The following P3H2 variants were observed in gnomAD, a reference collection of about 807,000 sequenced individuals.
The protein encoded by P3H2 is leprecan-like 1.
P3H2 carries 80 observed loss-of-function variants against 87.0 expected under a neutral mutation model. The ratio of observed to expected loss-of-function variants is 0.92; its 90% CI spans 0.77 to 1.11. P3H2 has a LOEUF of 1.11. P3H2 is among the 50% of genes least tolerant of loss of function. P3H2 has a pLI of 0.00. For missense variants in P3H2, 1,001 were observed against 923.9 expected (o/e 1.08, Z -1.08); for synonymous variants, 367 against 359.3 (o/e 1.02, Z -0.24).
intron 13 of P3H2, among the ~76,000 whole-genome samples, chr3:189,967,531 T>C (rs1476576755): frequency 4.0e-5 from 6 of 150,256 alleles, no homozygotes. Context: ...TGCCAGTATT[T>C]TTGTACCTCA....
intron 4 of P3H2, 145 bp downstream of exon 4, chr3:189,988,762 G>T: frequency 9.8e-7 from 1 of 1,019,038 alleles, no homozygotes; most frequent in Non-Finnish European, 1.5e-6. Flanking sequence ...TTCTTGTCCT[G>T]CAGCTCAGGA....
intron 1 of P3H2, among the ~76,000 whole-genome samples, chr3:190,052,720 T>C (rs1205603746): frequency 6.6e-6 from 1 of 152,110 alleles, no homozygotes; most frequent in East Asian, 1.9e-4. Context: ...TGTGTGTATA[T>C]ACACATACAT....
intron 14 of P3H2, among the ~76,000 whole-genome samples, chr3:189,961,386 C>A (rs1013452379): frequency 1.3e-5 from 2 of 152,158 alleles, no homozygotes; most frequent in African/African-American, 4.8e-5. Context: ...CTTCGAACAT[C>A]CTTGCATCCT....
intron 1 of P3H2, among the ~76,000 whole-genome samples, chr3:190,072,604 A>C (rs1726739057): frequency 6.6e-6 from 1 of 152,240 alleles, no homozygotes; most frequent in Non-Finnish European, 1.5e-5. Flanking sequence ...AATATTTATT[A>C]GTGCAAAACT....
intron 1 of P3H2, among the ~76,000 whole-genome samples, chr3:190,084,050 TAAG>T (rs991488562): frequency 3.3e-5 from 5 of 152,306 alleles, no homozygotes; most frequent in African/African-American, 9.6e-5. Context: ...GGATTCTCAG[TAAG>T]AAGATGATTT....
At chr3:190,037,128 G>A (rs2108951569) in intron 1 of P3H2, among the ~76,000 whole-genome samples, 1 of 151,994 alleles carries the variant, frequency 6.6e-6, no homozygotes, top group East Asian at 1.9e-4. Flanking sequence ...TAGGAGTGAA[G>A]GGATTATCTG....
intron 3 of P3H2, among the ~76,000 whole-genome samples, chr3:189,992,257 C>G (rs1666433): frequency 0.77 from 116,118 of 151,418 alleles, 44,844 homozygotes; most frequent in East Asian, 0.92. Context: ...ACCACACCTG[C>G]CTAATTTTTT....
intron 1 of P3H2, among the ~76,000 whole-genome samples, chr3:190,098,315 T>C (rs1727652886): frequency 6.6e-6 from 1 of 152,194 alleles, no homozygotes; most frequent in Admixed American, 6.5e-5. Flanking sequence ...ATCGCTCTTA[T>C]TGTTTTATAA....
At chr3:190,118,090 A>G (rs1712367350) in intron 1 of P3H2, among the ~76,000 whole-genome samples, 1 of 152,192 alleles carries the variant, frequency 6.6e-6, no homozygotes, top group Non-Finnish European at 1.5e-5. Flanking sequence ...AATTTGAGGT[A>G]TGTTAAACCT....
chr3:190,056,855 C>T (rs1291024522), intron 1 of P3H2, among the ~76,000 whole-genome samples: 2 of 152,210 alleles, frequency 1.3e-5, no homozygotes, highest in South Asian at 2.1e-4. Flanking sequence ...GTCCTCAGAT[C>T]CACACTCTAC....
At chr3:190,120,190 G>C (rs1366309937) in intron 1 of P3H2, 62 bp downstream of exon 1, 13 of 1,562,670 alleles carry the variant, frequency 8.3e-6, no homozygotes, top group South Asian at 1.2e-5. Context: ...GCAGCAGGGA[G>C]GGCTCAAGAG....
intron 1 of P3H2, among the ~76,000 whole-genome samples, chr3:190,078,630 G>A (rs1054381032): frequency 6.6e-6 from 1 of 152,072 alleles, no homozygotes; most frequent in Non-Finnish European, 1.5e-5. Context: ...ATGACCCAAT[G>A]GCATATATAT....
intron 1 of P3H2, chr3:190,116,482 T>C (rs1267425538): frequency 6.6e-6 from 1 of 152,198 alleles, no homozygotes; most frequent in Non-Finnish European, 1.5e-5. Context: ...ATTAATCCCA[T>C]ATCTATCCAT....
intron 1 of P3H2, among the ~76,000 whole-genome samples, chr3:190,013,062 A>G (rs74718693): frequency 0.12 from 18,478 of 152,220 alleles, 1,330 homozygotes; most frequent in Middle Eastern, 0.28. Flanking sequence ...CGCATCAAAC[A>G]CTGACTGAGA....
At chr3:190,007,378 G>C (rs1476032015) in intron 1 of P3H2, among the ~76,000 whole-genome samples, 2 of 152,152 alleles carry the variant, frequency 1.3e-5, no homozygotes, top group African/African-American at 4.8e-5. Flanking sequence ...GTATTTTTTA[G>C]GTGGCTACAA....
At chr3:189,973,507 C>T (rs149969722) in intron 10 of P3H2, among the ~76,000 whole-genome samples, 68 of 78,972 alleles carry the variant, frequency 8.6e-4, no homozygotes, top group Non-Finnish European at 9.9e-4. Context: ...TTCTTTCTTT[C>T]TTTCTTTTTT....
At chr3:190,006,982 G>A (rs1193132816) in intron 1 of P3H2, among the ~76,000 whole-genome samples, 1 of 152,124 alleles carries the variant, frequency 6.6e-6, no homozygotes, top group Non-Finnish European at 1.5e-5. Flanking sequence ...TTATCTATAT[G>A]TGCATGTTTG....
At chr3:190,011,818 A>G (rs1724598860) in intron 1 of P3H2, among the ~76,000 whole-genome samples, 1 of 152,214 alleles carries the variant, frequency 6.6e-6, no homozygotes, top group African/African-American at 2.4e-5. Context: ...TATACTCTCG[A>G]ATGAAAAAAG....
intron 1 of P3H2, among the ~76,000 whole-genome samples, chr3:190,007,370 A>AT (rs1392347575): frequency 6.6e-6 from 1 of 152,178 alleles, no homozygotes; most frequent in Non-Finnish European, 1.5e-5. Flanking sequence ...TGGAAATAGT[A>AT]TTTTTTAGGT....
Sources: gnomAD v4.1 joint callset for allele counts (sites outside exome capture counted in the v4.1 genomes callset) on GRCh38, gnomAD v4.1.1 for gene constraint, MANE v1.5 for transcripts, NCBI Gene and HGNC (gene_info 2026-07-23, HGNC 2026-07-21) for gene names.